The following SDCCAG8 variants were observed in gnomAD, a reference collection of about 807,000 sequenced individuals.
The protein encoded by SDCCAG8 is serologically defined colon cancer antigen 8.
In SDCCAG8, 74 loss-of-function variants were observed where a neutral mutation model predicts 101.8. That is an observed-to-expected ratio of 0.73 (90% CI 0.60 to 0.88). The LOEUF is 0.88. Ranked by LOEUF, SDCCAG8 falls within the 40% of genes least tolerant of loss-of-function variation. SDCCAG8 has a pLI of 0.00. For synonymous variants in SDCCAG8, 281 were observed against 292.9 expected (o/e 0.96, Z 0.41); for missense variants, 787 against 822.6 (o/e 0.96, Z 0.53).
intron 3 of SDCCAG8, among the ~76,000 whole-genome samples, chr1:243,271,734 G>C (rs1272230555): frequency 6.6e-6 from 1 of 151,884 alleles, no homozygotes; most frequent in Admixed American, 6.6e-5. Context: ...AGTAGAGATG[G>C]GGTTTCACCA....
At chr1:243,465,814 T>G (rs976832610) in intron 16 of SDCCAG8, among the ~76,000 whole-genome samples, 1 of 152,250 alleles carries the variant, frequency 6.6e-6, no homozygotes, top group African/African-American at 2.4e-5. Flanking sequence ...AGCATTTCTT[T>G]TTTATGTATA....
intron 1 of SDCCAG8, among the ~76,000 whole-genome samples, chr1:243,264,348 C>T (rs2149253639): frequency 6.6e-6 from 1 of 152,286 alleles, no homozygotes; most frequent in Non-Finnish European, 1.5e-5. Flanking sequence ...GGCAGGGTGG[C>T]TCACGCCTGT....
intron 13 of SDCCAG8, among the ~76,000 whole-genome samples, chr1:243,390,028 G>A (rs558363725): frequency 2.6e-4 from 39 of 152,168 alleles, no homozygotes; most frequent in African/African-American, 8.9e-4. Flanking sequence ...AAAAGTTGGG[G>A]GGAACTCATC....
intron 4 of SDCCAG8, among the ~76,000 whole-genome samples, chr1:243,276,096 T>C (rs969430489): frequency 4.6e-5 from 7 of 152,056 alleles, no homozygotes; most frequent in Non-Finnish European, 7.4e-5. Context: ...TCTCTTGACC[T>C]CGTGATCCGT....
intron 12 of SDCCAG8, among the ~76,000 whole-genome samples, chr1:243,369,208 A>T (rs976552524): frequency 4.0e-4 from 61 of 152,276 alleles, no homozygotes; most frequent in African/African-American, 1.4e-3. Flanking sequence ...TTGTTGGGAT[A>T]GATTGCTGTT....
chr1:243,313,416 T>G (rs2072942374), intron 8 of SDCCAG8, among the ~76,000 whole-genome samples: 1 of 152,212 alleles, frequency 6.6e-6, no homozygotes. Context: ...TAAGGGACTT[T>G]CTCAGTCCTT....
intron 1 of SDCCAG8, chr1:243,267,997 G>A (rs546776339): frequency 7.6e-5 from 59 of 780,032 alleles, no homozygotes; most frequent in African/African-American, 3.0e-4. Flanking sequence ...CCTTTAACGC[G>A]CTGGGATCCT....
At chr1:243,354,311 T>G (rs2076266256) in intron 12 of SDCCAG8, among the ~76,000 whole-genome samples, 1 of 152,252 alleles carries the variant, frequency 6.6e-6, no homozygotes, top group Non-Finnish European at 1.5e-5. Flanking sequence ...TTCTGTATTT[T>G]CCAGTTATTC....
At chr1:243,285,980 AC>A (rs1337376894) in intron 4 of SDCCAG8, among the ~76,000 whole-genome samples, 4 of 152,176 alleles carry the variant, frequency 2.6e-5, no homozygotes, top group Non-Finnish European at 5.9e-5. Flanking sequence ...CTCTTGGATA[AC>A]CCTTTTAATT....
intron 13 of SDCCAG8, among the ~76,000 whole-genome samples, chr1:243,406,355 ACCC>A (rs2079785475): frequency 6.6e-6 from 1 of 152,174 alleles, no homozygotes; most frequent in East Asian, 1.9e-4. Context: ...TGCATCAGGC[ACCC>A]TGAGCTATTG....
chr1:243,410,436 AT>A (rs2080091055), intron 13 of SDCCAG8, among the ~76,000 whole-genome samples: 1 of 152,168 alleles, frequency 6.6e-6, no homozygotes, highest in African/African-American at 2.4e-5. Context: ...CATGTTATAA[AT>A]TCTCACAAGT....
At chr1:243,392,827 A>G (rs575311524) in intron 13 of SDCCAG8, among the ~76,000 whole-genome samples, 14 of 152,222 alleles carry the variant, frequency 9.2e-5, no homozygotes, top group Non-Finnish European at 2.1e-4. Context: ...GTCAACATTT[A>G]TTCCTATCTG....
chr1:243,308,150 A>T lies in SDCCAG8; in HGVS notation c.902A>T (p.His301Leu). ...CTTTCCCAAACCCATACTAATGTTC[A>T]TATGCAGACCATCGAAAGACTGGTT... ...AVLSQTHTNV[H>L]MQTIERLVKE... Residue 301 changes from histidine (H) to leucine (L), a missense_variant, in exon 8 of 18, where the codon CAT becomes CTT. Physicochemically the swap from His to Leu is moderately conservative, Grantham distance 99. Transcript: ENST00000366541. 2 of 1,614,200 alleles carry T rather than the reference A, an allele frequency of 1.2e-6. No homozygotes were observed. The highest frequency in any genetic ancestry group is 8.5e-7 in the Non-Finnish European group (1 of 1,180,026).
chr1:243,398,324 TG>T (rs1175159797), intron 13 of SDCCAG8, among the ~76,000 whole-genome samples: 1 of 152,214 alleles, frequency 6.6e-6, no homozygotes, highest in African/African-American at 2.4e-5. Context: ...TAGAAGATGT[TG>T]ATTTACTCCT....
At chr1:243,265,868 C>A (rs566544828) in intron 1 of SDCCAG8, among the ~76,000 whole-genome samples, 3 of 151,540 alleles carry the variant, frequency 2.0e-5, no homozygotes, top group Non-Finnish European at 4.4e-5. Flanking sequence ...ACTCTGCCTA[C>A]AGAGGCTTTT....
At chr1:243,365,114 AAG>A (rs1215102075) in intron 12 of SDCCAG8, among the ~76,000 whole-genome samples, 3 of 152,292 alleles carry the variant, frequency 2.0e-5, no homozygotes, top group East Asian at 1.9e-4. Flanking sequence ...GGTATCGGCG[AAG>A]AGTCTGGAGC....
chr1:243,379,383 C>A (rs984705016), intron 13 of SDCCAG8, among the ~76,000 whole-genome samples: 1 of 152,080 alleles, frequency 6.6e-6, no homozygotes, highest in African/African-American at 2.4e-5. Flanking sequence ...TTATTATAAC[C>A]AGGCTTACAC....
rs545910643 is a variant in SDCCAG8 at position 243,292,743 on chromosome 1, A to G, written c.547-348A>G. 1.6e-4 allele frequency among the ~76,000 whole-genome samples: 25 copies of G among 152,364 alleles called. No homozygotes were observed. In the South Asian group the frequency reaches 5.0e-3, roughly 30 times the overall value. ...ATTTTGATAAAAATTATTATTAGCCATGCATTTATGAAACATGGAACATGA... is the reference window on the plus strand; with the variant it reads ...ATTTTGATAAAAATTATTATTAGCCGTGCATTTATGAAACATGGAACATGA... On this transcript the variant is annotated intron_variant, in intron 5 of 17. Transcript: ENST00000366541.
intron 13 of SDCCAG8, among the ~76,000 whole-genome samples, chr1:243,404,670 CTCAA>C (rs1358042381): frequency 2.6e-5 from 4 of 152,134 alleles, no homozygotes; most frequent in East Asian, 1.9e-4. Context: ...TTACAGAGTT[CTCAA>C]TCAAACTCTA....
Sources: allele counts gnomAD v4.1 joint callset (sites outside exome capture counted in the v4.1 genomes callset), GRCh38; gene constraint gnomAD v4.1.1; transcripts MANE v1.5; gene names NCBI Gene and HGNC (gene_info 2026-07-23, HGNC 2026-07-21).